The following SPTLC3 variants were observed in gnomAD, a reference collection of about 807,000 sequenced individuals.
SPTLC3 encodes the protein serine palmitoyltransferase long chain base subunit 3, also known as serine palmitoyltransferase 3.
SPTLC3 carries 36 observed loss-of-function variants against 59.3 expected under a neutral mutation model. That is an observed-to-expected ratio of 0.61 (90% CI 0.47 to 0.80). The LOEUF is 0.80. Among genes scored for constraint, SPTLC3 ranks in the 30% least tolerant of loss-of-function variants. SPTLC3 has a pLI of 0.00. For missense variants in SPTLC3, 625 were observed against 685.1 expected, an observed-to-expected ratio of 0.91 and a Z score of 0.98; for synonymous variants, 257 against 240.8, an observed-to-expected ratio of 1.07 and a Z score of -0.62.
rs1476648704 is a variant in SPTLC3 at position 13,168,747 on chromosome 20, C to A, written c.*3880C>A. The A allele has an allele frequency of 2.0e-5, 3 of 152,118 alleles. No individual in the cohort carries two copies. The highest frequency in any genetic ancestry group is 1.9e-4 in the East Asian group (1 of 5,198). 9.4% of individuals were successfully genotyped at this position (152,118 alleles called of 1,614,324 possible). A position where few individuals can be genotyped will look rare whatever the true frequency, so the allele number is the denominator to read the frequency against. ...TTTATAGCAATAATAACAATTGTAA[C>A]AACAGCAATTAAGAACAGCATCTGG... On this transcript the variant is annotated 3_prime_UTR_variant, in exon 12 of 12. Coordinates refer to ENST00000399002, the MANE Select transcript of SPTLC3 (RefSeq NM_018327.4).
At chr20:13,067,214 C>T (rs1988257818) in intron 2 of SPTLC3, among the ~76,000 whole-genome samples, 1 of 151,794 alleles carries the variant, frequency 6.6e-6, no homozygotes, top group East Asian at 1.9e-4. Flanking sequence ...TACATTGGGG[C>T]ATTGCTTTTC....
chr20:13,050,672 C>T (rs1371125183), intron 2 of SPTLC3: 1 of 152,162 alleles, frequency 6.6e-6, no homozygotes, highest in East Asian at 1.9e-4. Context: ...AGCTGTGAGA[C>T]AGAAGCACCA....
At chr20:13,012,903 T>C (rs889417352) in intron 1 of SPTLC3, among the ~76,000 whole-genome samples, 1 of 152,028 alleles carries the variant, frequency 6.6e-6, no homozygotes, top group African/African-American at 2.4e-5. Context: ...GACATTATAA[T>C]TGCAGAAAAA....
chr20:13,088,087 C>T (rs748516561), intron 4 of SPTLC3, among the ~76,000 whole-genome samples: 1 of 152,136 alleles, frequency 6.6e-6, no homozygotes, highest in Non-Finnish European at 1.5e-5. Context: ...AGGCTGTTGG[C>T]CTTTTCACTG....
chr20:13,143,722 T>A (rs2038439810), intron 9 of SPTLC3, among the ~76,000 whole-genome samples: 1 of 152,244 alleles, frequency 6.6e-6, no homozygotes, highest in African/African-American at 2.4e-5. Context: ...TGCAGGCAGC[T>A]GCCTTGGATG....
intron 1 of SPTLC3, among the ~76,000 whole-genome samples, chr20:13,039,813 T>C (rs1441757830): frequency 6.6e-6 from 1 of 152,086 alleles, no homozygotes; most frequent in African/African-American, 2.4e-5. Flanking sequence ...GCCATACATA[T>C]GTTAATGTAC....
At position 13,010,534 on chromosome 20, in the gene SPTLC3, C is replaced by T. The variant is rs149811706; in HGVS notation, c.117+1150C>T. ...CCTCTTAACAAAAGGCACTGTCCAA[C>T]GCTGGGAGGTGTCTATCAGAAACCT... On this transcript the variant is annotated intron_variant, in intron 1 of 11. Coordinates refer to ENST00000399002, the MANE Select transcript of SPTLC3 (RefSeq NM_018327.4). Among the ~76,000 whole-genome samples the T allele has an allele frequency of 2.3e-3, 354 of 152,296 alleles. 2 individuals carry two copies. Among genetic ancestry groups the T allele is most frequent in the African/African-American group, 8.1e-3 (338 of 41,542 alleles).
intron 6 of SPTLC3, among the ~76,000 whole-genome samples, chr20:13,097,087 G>A (rs112018116): frequency 0.011 from 1,681 of 152,144 alleles, 39 homozygotes; most frequent in African/African-American, 0.038. Flanking sequence ...TATTACCCTC[G>A]TCATTGTCAT....
chr20:13,020,050 T>C (rs1236790809), intron 1 of SPTLC3, among the ~76,000 whole-genome samples: 4 of 152,186 alleles, frequency 2.6e-5, no homozygotes, highest in Non-Finnish European at 4.4e-5. Context: ...TGTATAAAAC[T>C]AGGCTATTTC....
rs77003656 is a variant in SPTLC3 at position 13,047,859 on chromosome 20, A to G, written c.118-1086A>G. On this transcript the variant is annotated intron_variant, in intron 1 of 11. Transcript: ENST00000399002. Reference sequence around the variant, plus strand: ...CAGATTCAAGAGTTAACGTTTCTCAAAGTTGCTTTATGTTTTTATGCAATT... The same window carrying G: ...CAGATTCAAGAGTTAACGTTTCTCAGAGTTGCTTTATGTTTTTATGCAATT... Among the ~76,000 whole-genome samples the G allele has an allele frequency of 4.7e-3, 716 of 152,298 alleles. 3 individuals carry two copies. Among genetic ancestry groups the G allele is most frequent in the South Asian group, 0.011 (54 of 4,822 alleles).
intron 9 of SPTLC3, among the ~76,000 whole-genome samples, chr20:13,149,481 C>G (rs1053255784): frequency 1.3e-5 from 2 of 152,142 alleles, no homozygotes; most frequent in African/African-American, 4.8e-5. Flanking sequence ...CCAGGCCTTC[C>G]AAGAGTATGA....
chr20:13,052,254 C>G (rs540923734), intron 2 of SPTLC3, among the ~76,000 whole-genome samples: 1 of 152,240 alleles, frequency 6.6e-6, no homozygotes, highest in Non-Finnish European at 1.5e-5. Flanking sequence ...ACTGCCTCAC[C>G]TGGGAAGCGC....
rs892565677 is a variant in SPTLC3 at position 13,091,125 on chromosome 20, A to G, written c.650A>G (p.Lys217Arg). 33 of 1,613,946 alleles carry G rather than the reference A, an allele frequency of 2.0e-5. No homozygotes were observed. The East Asian group carries it at 7.4e-4, about 36-fold the overall frequency. ...KHKELEDLVA[K>R]FLNVEAAMVF... ...AAGGAGTTGGAGGACCTTGTGGCTA[A>G]GTTCCTGAATGTGGAAGCAGCTATG... The change falls in exon 5 of 12, where the codon AAG (lysine) becomes AGG (arginine). Residue 217 changes from lysine to arginine, a missense_variant. By Grantham distance (26) the Lys-to-Arg change is conservative (BLOSUM62 2). Coordinates refer to ENST00000399002, the MANE Select transcript of SPTLC3 (RefSeq NM_018327.4).
chr20:13,110,985 T>C (rs559225121), intron 7 of SPTLC3, among the ~76,000 whole-genome samples: 2 of 152,162 alleles, frequency 1.3e-5, no homozygotes, highest in Non-Finnish European at 2.9e-5. Flanking sequence ...AGCCCGCTAA[T>C]CTCATTAGTC....
intron 11 of SPTLC3, among the ~76,000 whole-genome samples, chr20:13,162,227 A>G (rs1218598094): frequency 6.6e-6 from 1 of 152,232 alleles, no homozygotes; most frequent in East Asian, 1.9e-4. Flanking sequence ...GGGACCTTGC[A>G]CAGAAGGGAG....
chr20:13,072,656 C>A (rs1287960201), intron 3 of SPTLC3, among the ~76,000 whole-genome samples: 1 of 152,134 alleles, frequency 6.6e-6, no homozygotes, highest in Non-Finnish European at 1.5e-5. Context: ...CAGGACACAC[C>A]AAGCCAGCCA....
At chr20:13,145,719 A>G (rs992850327) in intron 9 of SPTLC3, among the ~76,000 whole-genome samples, 1 of 152,222 alleles carries the variant, frequency 6.6e-6, no homozygotes, top group Non-Finnish European at 1.5e-5. Flanking sequence ...TGGAGGCATC[A>G]TGTTACCCAA....
intron 1 of SPTLC3, among the ~76,000 whole-genome samples, chr20:13,018,932 A>G (rs1985712632): frequency 6.6e-6 from 1 of 152,216 alleles, no homozygotes; most frequent in South Asian, 2.1e-4. Flanking sequence ...TTGGAGTTCA[A>G]ATTAACTATT....
At chr20:13,109,139 T>C (rs1486238552) in intron 6 of SPTLC3, among the ~76,000 whole-genome samples, 4 of 152,202 alleles carry the variant, frequency 2.6e-5, no homozygotes, top group Non-Finnish European at 4.4e-5. Flanking sequence ...CAAGTTCTTC[T>C]AAATGACCTC....
Sources: allele counts gnomAD v4.1 joint callset (sites outside exome capture counted in the v4.1 genomes callset), GRCh38; gene constraint gnomAD v4.1.1; transcripts MANE v1.5; gene names NCBI Gene and HGNC (gene_info 2026-07-23, HGNC 2026-07-21).